Variants in RB1CC1 observed in about 807,000 individuals in gnomAD.
The protein encoded by RB1CC1 is RB1-inducible coiled-coil protein 1.
Under a neutral mutation model 177.5 loss-of-function variants are expected in RB1CC1, and 46 were observed. The ratio of observed to expected loss-of-function variants is 0.26; its 90% CI spans 0.20 to 0.33. The LOEUF is 0.33. Ranked by LOEUF, RB1CC1 falls within the 10% of genes least tolerant of loss-of-function variation. The pLI, the probability that RB1CC1 is intolerant of heterozygous loss-of-function variation, is 1.00. For synonymous variants in RB1CC1, 666 were observed against 613.6 expected (o/e 1.09, Z -1.26); for missense variants, 1,703 against 1,816.3 (o/e 0.94, Z 1.13).
At chr8:52,695,182 A>G (rs1450296698) in intron 1 of RB1CC1, among the ~76,000 whole-genome samples, 1 of 152,220 alleles carries the variant, frequency 6.6e-6, no homozygotes, top group Non-Finnish European at 1.5e-5. Flanking sequence ...AAGGTTTTCA[A>G]CCCAAGAGAA....
chr8:52,692,505 TGA>T (rs1189946492), intron 1 of RB1CC1, among the ~76,000 whole-genome samples: 1 of 152,094 alleles, frequency 6.6e-6, no homozygotes, highest in Non-Finnish European at 1.5e-5. Flanking sequence ...AATCCTATAG[TGA>T]GAGAGGTTAA....
intron 8 of RB1CC1, among the ~76,000 whole-genome samples, chr8:52,663,549 G>T (rs1478060692): frequency 2.0e-5 from 3 of 151,986 alleles, no homozygotes; most frequent in Admixed American, 2.0e-4. Context: ...TAATTGCTAT[G>T]TAGCTAGAAT....
chr8:52,642,161 G>A (rs1342388849), intron 18 of RB1CC1, among the ~76,000 whole-genome samples, 190 bp downstream of exon 18: 1 of 152,074 alleles, frequency 6.6e-6, no homozygotes, highest in African/African-American at 2.4e-5. Flanking sequence ...TGTATAGTAT[G>A]AGAGTACCCC....
In RB1CC1 at chr8:52,623,711, G is replaced by A; in HGVS notation, c.*71C>T. ...CATAAAAAGATGGCCTGCTGTTTTT[G>A]GAGTGATGAATGAGCACTGCAGGAC... On this transcript the variant is annotated 3_prime_UTR_variant, in exon 24 of 24. Coordinates refer to ENST00000025008, the MANE Select transcript of RB1CC1 (RefSeq NM_014781.5). 1 of 1,091,874 alleles carries A rather than the reference G, an allele frequency of 9.2e-7. No individual in the cohort carries two copies. The highest frequency in any genetic ancestry group is 1.4e-6 in the Non-Finnish European group (1 of 711,516). 67.6% of individuals were successfully genotyped at this position (1,091,874 alleles called of 1,614,324 possible). A position where few individuals can be genotyped will look rare whatever the true frequency, so the allele number is the denominator to read the frequency against.
intron 5 of RB1CC1, among the ~76,000 whole-genome samples, chr8:52,679,605 C>T (rs531824968): frequency 2.0e-5 from 3 of 152,180 alleles, no homozygotes; most frequent in Non-Finnish European, 4.4e-5. Flanking sequence ...TGTACCCTGA[C>T]CACCTTGGGC....
At chr8:52,623,931 C>G in intron 23 of RB1CC1, 72 bp from the exon 24 acceptor site, 1 of 1,004,036 alleles carries the variant, frequency 1.0e-6, no homozygotes, top group Admixed American at 2.0e-5. Context: ...CACACACACA[C>G]ACACCCAAAA....
intron 16 of RB1CC1, 99 bp from the exon 17 acceptor site, chr8:52,642,911 T>C: frequency 8.0e-7 from 1 of 1,243,722 alleles, no homozygotes; most frequent in Non-Finnish European, 1.1e-6. Context: ...GGCACATTTG[T>C]ACATGGAGAT....
intron 15 of RB1CC1, among the ~76,000 whole-genome samples, chr8:52,647,579 G>T (rs1300437839): frequency 6.6e-6 from 1 of 152,104 alleles, no homozygotes; most frequent in Non-Finnish European, 1.5e-5. Context: ...GATAAAAATA[G>T]GTATAGGCAG....
intron 1 of RB1CC1, among the ~76,000 whole-genome samples, chr8:52,712,460 G>A (rs1857135265): frequency 7.1e-6 from 1 of 140,278 alleles, no homozygotes; most frequent in African/African-American, 2.7e-5. Flanking sequence ...AAGTAAATCT[G>A]CCATGCATCC....
chr8:52,688,478 C>A (rs564603259), intron 1 of RB1CC1, among the ~76,000 whole-genome samples: 2 of 152,122 alleles, frequency 1.3e-5, no homozygotes, highest in Non-Finnish European at 1.5e-5. Flanking sequence ...AGGCTTACTA[C>A]GGTGGTGGGG....
chr8:52,628,204 T>A (rs1304173977), intron 21 of RB1CC1, 36 bp from the exon 22 acceptor site: 8 of 1,585,192 alleles, frequency 5.0e-6, no homozygotes, highest in South Asian at 1.1e-5. Flanking sequence ...GACTTAGAGT[T>A]ACTTTCAATC....
rs146466327 is a variant in RB1CC1 at position 52,710,371 on chromosome 8, G to C, written c.-167+3704C>G. ...TTTAGAAAGGTAGTGCCCAAAGACA[G>C]CAAATGAGGTAAAAATAGCAGAACA... is the stretch of plus-strand genomic sequence containing the variant. On this transcript the variant is annotated intron_variant, in intron 1 of 23. Coordinates refer to ENST00000025008, the MANE Select transcript of RB1CC1 (RefSeq NM_014781.5). Among the ~76,000 whole-genome samples the C allele has an allele frequency of 1.9e-4, 29 of 152,278 alleles. No individual in the cohort carries two copies. The East Asian group carries it at 5.4e-3, about 28-fold the overall frequency.
At chr8:52,673,620 A>T (rs1024289726) in intron 7 of RB1CC1, among the ~76,000 whole-genome samples, 1 of 152,198 alleles carries the variant, frequency 6.6e-6, no homozygotes, top group African/African-American at 2.4e-5. Flanking sequence ...TTCTTATTGC[A>T]CTAGAAATTT....
At chr8:52,708,007 T>C (rs1344541648) in intron 1 of RB1CC1, among the ~76,000 whole-genome samples, 1 of 152,228 alleles carries the variant, frequency 6.6e-6, no homozygotes, top group Non-Finnish European at 1.5e-5. Flanking sequence ...CAGAGTCCTT[T>C]ACGGTGCTAG....
chr8:52,653,447 T>C (rs111695829), intron 15 of RB1CC1, among the ~76,000 whole-genome samples: 16 of 152,164 alleles, frequency 1.1e-4, no homozygotes, highest in South Asian at 2.1e-4. Flanking sequence ...TAGGCCCTAA[T>C]AGAATGAACC....
At chr8:52,676,662 T>G (rs976642565) in intron 5 of RB1CC1, 91 bp from the exon 6 acceptor site, 1 of 1,126,326 alleles carries the variant, frequency 8.9e-7, no homozygotes, top group African/African-American at 1.6e-5. Flanking sequence ...TACGTGTGGA[T>G]GCGTTGTAGA....
intron 8 of RB1CC1, among the ~76,000 whole-genome samples, chr8:52,666,700 C>G (rs1301883527): frequency 6.6e-6 from 1 of 151,802 alleles, no homozygotes. Context: ...TACAAAAGAA[C>G]CAAACTGAAA....
chr8:52,684,097 T>C (rs990484783), intron 3 of RB1CC1, 84 bp from the exon 4 acceptor site: 1 of 1,414,372 alleles, frequency 7.1e-7, no homozygotes, highest in Non-Finnish European at 9.3e-7. Flanking sequence ...TAAAAACACC[T>C]TAGAGGTTAA....
In RB1CC1 at chr8:52,714,246, G is replaced by A. The variant is rs1216298320; in HGVS notation, c.-338C>T. On this transcript the variant is annotated 5_prime_UTR_variant, in exon 1 of 24. Coordinates refer to ENST00000025008, the MANE Select transcript of RB1CC1 (RefSeq NM_014781.5). ...CCGCCCGCCGCGGCCCCGAACTCTAGGAGGCAGGGAGGGGTCCGGGCGGAC... is the reference window on the plus strand; with the variant it reads ...CCGCCCGCCGCGGCCCCGAACTCTAAGAGGCAGGGAGGGGTCCGGGCGGAC... 9.4e-6 allele frequency: 2 copies of A among 213,122 alleles called. No individual in the cohort carries two copies. Among genetic ancestry groups the A allele is most frequent in the African/African-American group, 4.8e-5 (2 of 41,724 alleles). The allele number at this position is 213,122 out of a possible 1,614,324, so 13.2% of individuals were successfully genotyped here. A position where few individuals can be genotyped will look rare whatever the true frequency, so the allele number is the denominator to read the frequency against.
Sources: gnomAD v4.1 joint callset for allele counts (sites outside exome capture counted in the v4.1 genomes callset) on GRCh38, gnomAD v4.1.1 for gene constraint, MANE v1.5 for transcripts, NCBI Gene and HGNC (gene_info 2026-07-23, HGNC 2026-07-21) for gene names.